CDH7: variants seen among roughly 807,000 people sequenced by gnomAD.
The protein encoded by CDH7 is cadherin-7.
In CDH7, 25 loss-of-function variants were observed where a neutral mutation model predicts 71.8. The observed-to-expected ratio is 0.35, with a 90% CI of 0.25 to 0.49. The LOEUF is 0.49. Among genes scored for constraint, CDH7 ranks in the 20% least tolerant of loss-of-function variants. CDH7 has a pLI of 0.99. For missense variants in CDH7, 862 were observed against 974.6 expected (o/e 0.88, Z 1.54); for synonymous variants, 381 against 363.8 (o/e 1.05, Z -0.54).
At position 65,767,218 on chromosome 18, in the gene CDH7, A is replaced by G. The variant is rs368567643; in HGVS notation, c.210+4166A>G. Among the ~76,000 whole-genome samples the G allele has an allele frequency of 3.3e-5, 5 of 151,852 alleles. No homozygotes were observed. The East Asian group carries it at 5.8e-4, about 18-fold the overall frequency. On this transcript the variant is annotated intron_variant, in intron 2 of 11. Coordinates refer to ENST00000397968, the MANE Select transcript of CDH7 (RefSeq NM_004361.5). Reference sequence around the variant, plus strand: ...GCAGGATTGGCTTTGCTTTAAATTTAAGCTTACTTGGAAGCATTGGTGAGC... The same window carrying G: ...GCAGGATTGGCTTTGCTTTAAATTTGAGCTTACTTGGAAGCATTGGTGAGC...
chr18:65,809,676 A>G, intron 2 of CDH7, 28 bp from the exon 3 acceptor site: 1 of 1,585,836 alleles, frequency 6.3e-7, no homozygotes, highest in Non-Finnish European at 8.6e-7. Flanking sequence ...TTGTAAGTTA[A>G]TCTCATCTCA....
intron 6 of CDH7, among the ~76,000 whole-genome samples, chr18:65,840,794 T>G (rs1179974509): frequency 6.6e-6 from 1 of 152,186 alleles, no homozygotes; most frequent in Non-Finnish European, 1.5e-5. Context: ...TTATCAGCAG[T>G]GAGAAAACGA....
intron 2 of CDH7, among the ~76,000 whole-genome samples, chr18:65,807,795 G>A (rs1450709716): frequency 6.6e-6 from 1 of 152,180 alleles, no homozygotes; most frequent in East Asian, 1.9e-4. Context: ...CTTCTCATAA[G>A]TCATAAAATG....
At chr18:65,823,317 G>A (rs1045881512) in intron 5 of CDH7, among the ~76,000 whole-genome samples, 1 of 151,744 alleles carries the variant, frequency 6.6e-6, no homozygotes, top group African/African-American at 2.4e-5. Flanking sequence ...GGCTTATCAT[G>A]GAGAAGGAGG....
chr18:65,859,219 A>T (rs1425429079), intron 9 of CDH7, among the ~76,000 whole-genome samples, 173 bp downstream of exon 9: 2 of 152,204 alleles, frequency 1.3e-5, no homozygotes, highest in Non-Finnish European at 2.9e-5. Flanking sequence ...TTCAAATTCC[A>T]GTTTAATTGG....
At position 65,763,042 on chromosome 18, in the gene CDH7, A is replaced by C; in HGVS notation, c.200A>C (p.Tyr67Ser). Residue 67 changes from tyrosine to serine, a missense_variant, in exon 2 of 12, where the codon TAT becomes TCT. By Grantham distance (144) the Tyr-to-Ser change is moderately radical. Transcript: ENST00000397968. ...GAATACATGGGTTCAGACCCCCTCT[A>C]TGTAGGAAAGGTAGGGTATTGTGAC... The part of the protein sequence containing the change: ...LEEYMGSDPL[Y>S]VGKLHSDVDK... 1 of 1,608,832 alleles carries C rather than the reference A, an allele frequency of 6.2e-7. No homozygotes were observed. Among genetic ancestry groups the C allele is most frequent in the Non-Finnish European group, 8.5e-7 (1 of 1,176,416 alleles).
chr18:65,823,531 A>AT (rs975100798), intron 5 of CDH7, among the ~76,000 whole-genome samples: 2 of 151,752 alleles, frequency 1.3e-5, no homozygotes, highest in African/African-American at 4.8e-5. Context: ...TTTTGCTGGG[A>AT]TTTTTCTCTA....
chr18:65,751,533 G>T (rs892678124), intron 1 of CDH7, among the ~76,000 whole-genome samples: 2 of 152,154 alleles, frequency 1.3e-5, no homozygotes, highest in African/African-American at 4.8e-5. Context: ...GGACTGATGG[G>T]GGCACAACTC....
chr18:65,771,603 G>A (rs1217329955), intron 2 of CDH7, among the ~76,000 whole-genome samples: 1 of 152,036 alleles, frequency 6.6e-6, no homozygotes. Flanking sequence ...TTGAGCCCGA[G>A]AGATGGAGGC....
chr18:65,800,568 A>G (rs1296978087), intron 2 of CDH7, among the ~76,000 whole-genome samples: 2 of 152,196 alleles, frequency 1.3e-5, no homozygotes, highest in Non-Finnish European at 1.5e-5. Flanking sequence ...AAAAATTTGC[A>G]TTTTAACCAA....
intron 11 of CDH7, among the ~76,000 whole-genome samples, chr18:65,877,177 A>G (rs1348836054): frequency 6.6e-6 from 1 of 152,114 alleles, no homozygotes; most frequent in African/African-American, 2.4e-5. Flanking sequence ...AAAATTATCT[A>G]ACCTTCCAAA....
At chr18:65,750,382 TG>T (rs1442898638), upstream of CDH7, 2 of 152,198 alleles carry the variant, frequency 1.3e-5, no homozygotes, top group Non-Finnish European at 2.9e-5. Context: ...CAGGCTAAGG[TG>T]GGTGTTGGAG....
At chr18:65,849,350 TTTTCTTTTCTTTTC>T (rs756841380) in intron 7 of CDH7, among the ~76,000 whole-genome samples, 19,004 of 110,052 alleles carry the variant, frequency 0.17, 2,888 homozygotes, top group East Asian at 0.39. Flanking sequence ...TTTTCTTTTC[TTTTCTTTTCTTTTC>T]TTTTCTTTTC....
rs768329363 is a variant in CDH7 at position 65,880,955 on chromosome 18, T to C, written c.*61T>C. ...AGTAACAGCAAAAAATAAAATAAAA[T>C]GAAATAAAATAATAAACCACTACAT... On this transcript the variant is annotated 3_prime_UTR_variant, in exon 12 of 12. Coordinates refer to ENST00000397968, the MANE Select transcript of CDH7 (RefSeq NM_004361.5). 79 of 1,478,994 alleles carry C rather than the reference T, an allele frequency of 5.3e-5. No individual in the cohort carries two copies. The highest frequency in any genetic ancestry group is 7.1e-5 in the Non-Finnish European group (78 of 1,104,770). The allele number at this position is 1,478,994 out of a possible 1,614,324, so 91.6% of individuals were successfully genotyped here.
Position 65,880,940 on chromosome 18 carries a change from A to T in CDH7, c.*46A>T. On this transcript the variant is annotated 3_prime_UTR_variant, in exon 12 of 12. Transcript: ENST00000397968. ...ATGTACTGAAGAAAAAGTAACAGCA[A>T]AAAATAAAATAAAATGAAATAAAAT... 1 of 1,517,904 alleles carries T rather than the reference A, an allele frequency of 6.6e-7. No homozygotes were observed. The highest frequency in any genetic ancestry group is 1.4e-5 in the African/African-American group (1 of 71,608). The allele number at this position is 1,517,904 out of a possible 1,614,324, so 94.0% of individuals were successfully genotyped here.
chr18:65,761,691 T>G (rs1381319751), intron 1 of CDH7, among the ~76,000 whole-genome samples: 3 of 152,144 alleles, frequency 2.0e-5, no homozygotes, highest in African/African-American at 7.2e-5. Flanking sequence ...TTTCTTTGTG[T>G]TTTAGGGGTA....
At chr18:65,834,828 G>C (rs147290107) in intron 6 of CDH7, among the ~76,000 whole-genome samples, 1 of 152,130 alleles carries the variant, frequency 6.6e-6, no homozygotes, top group African/African-American at 2.4e-5. Context: ...ATTTTATCTG[G>C]ATATGCTGCC....
At chr18:65,775,772 G>A (rs1458880109) in intron 2 of CDH7, among the ~76,000 whole-genome samples, 1 of 152,088 alleles carries the variant, frequency 6.6e-6, no homozygotes, top group Non-Finnish European at 1.5e-5. Context: ...GGACAAGTAT[G>A]GTCTAAGGAA....
In CDH7 at chr18:65,811,311, C is replaced by T. The variant is rs1439493027; in HGVS notation, c.505+1313C>T. ...TTAAGGGGATCACAGTTTAGTGAACCTAAATTTCTGTTCCTATTAGAAGAG... is the reference window on the plus strand; with the variant it reads ...TTAAGGGGATCACAGTTTAGTGAACTTAAATTTCTGTTCCTATTAGAAGAG... On this transcript the variant is annotated intron_variant, in intron 3 of 11. Coordinates refer to ENST00000397968, the MANE Select transcript of CDH7 (RefSeq NM_004361.5). 2.0e-5 allele frequency among the ~76,000 whole-genome samples: 3 copies of T among 151,958 alleles called. No homozygotes were observed. The East Asian group carries it at 5.8e-4, about 29-fold the overall frequency.
Sources: allele counts gnomAD v4.1 joint callset (sites outside exome capture counted in the v4.1 genomes callset), GRCh38; gene constraint gnomAD v4.1.1; transcripts MANE v1.5; gene names NCBI Gene and HGNC (gene_info 2026-07-23, HGNC 2026-07-21).